The following CLSTN2 variants were observed in gnomAD, a reference collection of about 807,000 sequenced individuals.
CLSTN2 encodes calsyntenin 2.
In CLSTN2, 48 loss-of-function variants were observed where a neutral mutation model predicts 101.2. The observed-to-expected ratio is 0.47, with a 90% CI of 0.38 to 0.60. The LOEUF (loss-of-function observed/expected upper bound fraction) is 0.60, where lower values mean the gene tolerates loss of function less well. CLSTN2 is among the 20% of genes least tolerant of loss of function. The probability of loss-of-function intolerance (pLI) is 0.00; values close to 1 mark genes in which losing one functional copy is unlikely to be tolerated. For synonymous variants in CLSTN2, 481 were observed against 463.6 expected, an observed-to-expected ratio of 1.04 and a Z score of -0.48; for missense variants, 1,160 against 1,238.2, an observed-to-expected ratio of 0.94 and a Z score of 0.95.
intron 1 of CLSTN2, among the ~76,000 whole-genome samples, chr3:140,001,331 G>C (rs1460831221): frequency 4.6e-5 from 7 of 151,718 alleles, no homozygotes; most frequent in Admixed American, 2.6e-4. Context: ...GCTTTATCTA[G>C]TTTGCTATCA....
chr3:140,351,792 G>GTTTT (rs398062856), intron 2 of CLSTN2, among the ~76,000 whole-genome samples: 2 of 147,030 alleles, frequency 1.4e-5, no homozygotes. Context: ...GTTTTGTTTT[G>GTTTT]TTTTTTTTTT....
chr3:140,053,100 C>T (rs1426856271), intron 1 of CLSTN2, among the ~76,000 whole-genome samples: 2 of 152,158 alleles, frequency 1.3e-5, no homozygotes, highest in African/African-American at 2.4e-5. Context: ...CTGTCATTCT[C>T]GGGTGAGGGA....
At chr3:140,334,299 A>T (rs1219992985) in intron 2 of CLSTN2, among the ~76,000 whole-genome samples, 1 of 152,112 alleles carries the variant, frequency 6.6e-6, no homozygotes, top group Non-Finnish European at 1.5e-5. Context: ...AACAGTCACT[A>T]CTCCAGCCAC....
chr3:140,084,635 G>A (rs2008650988), intron 1 of CLSTN2, among the ~76,000 whole-genome samples: 1 of 152,158 alleles, frequency 6.6e-6, no homozygotes, highest in South Asian at 2.1e-4. Context: ...AACTACCTGA[G>A]GGTTCTCTAA....
chr3:140,227,557 T>C (rs1435465417), intron 2 of CLSTN2, among the ~76,000 whole-genome samples: 21 of 152,142 alleles, frequency 1.4e-4, no homozygotes, highest in Admixed American at 1.4e-3. Context: ...ATAGTGGCCG[T>C]CTTCTCACAG....
chr3:140,435,245 C>G (rs1016771268), intron 5 of CLSTN2, among the ~76,000 whole-genome samples: 1 of 152,054 alleles, frequency 6.6e-6, no homozygotes, highest in East Asian at 1.9e-4. Flanking sequence ...TAGTAACCAT[C>G]CTTCTACTCT....
At chr3:140,335,463 A>AT (rs1321654529) in intron 2 of CLSTN2, among the ~76,000 whole-genome samples, 7 of 151,734 alleles carry the variant, frequency 4.6e-5, no homozygotes, top group Non-Finnish European at 8.8e-5. Context: ...GGCCAAAAAA[A>AT]AAAAAGCCCC....
At chr3:140,039,329 T>TA (rs146878164) in intron 1 of CLSTN2, among the ~76,000 whole-genome samples, 22 of 151,956 alleles carry the variant, frequency 1.4e-4, no homozygotes, top group Admixed American at 3.3e-4. Context: ...CTTTTAATGG[T>TA]AAAAAAAACA....
At chr3:140,074,290 T>C (rs562806630) in intron 1 of CLSTN2, among the ~76,000 whole-genome samples, 128 of 152,046 alleles carry the variant, frequency 8.4e-4, no homozygotes, top group African/African-American at 2.9e-3. Flanking sequence ...TCACCTTGCC[T>C]CCCCCCACCC....
chr3:140,326,745 C>T (rs558647984), intron 2 of CLSTN2, among the ~76,000 whole-genome samples: 10 of 152,226 alleles, frequency 6.6e-5, no homozygotes, highest in South Asian at 2.1e-4. Context: ...AGCTTAGGGT[C>T]GGACTGTAAT....
chr3:140,543,196 G>A (rs752392082), intron 9 of CLSTN2, among the ~76,000 whole-genome samples: 1 of 152,178 alleles, frequency 6.6e-6, no homozygotes, highest in Non-Finnish European at 1.5e-5. Context: ...GTGAAGAGAT[G>A]ACCAACTGGA....
intron 2 of CLSTN2, among the ~76,000 whole-genome samples, chr3:140,189,503 G>A (rs1208580148): frequency 6.6e-6 from 1 of 152,098 alleles, no homozygotes; most frequent in Non-Finnish European, 1.5e-5. Flanking sequence ...GGCTGATGAT[G>A]TCAAATGTTT....
At chr3:140,188,496 C>T (rs1284001966) in intron 2 of CLSTN2, among the ~76,000 whole-genome samples, 1 of 152,136 alleles carries the variant, frequency 6.6e-6, no homozygotes, top group Non-Finnish European at 1.5e-5. Flanking sequence ...CCTCGTGGCC[C>T]TCTGGTTACT....
chr3:139,977,079 ACT>A (rs1332871661), intron 1 of CLSTN2, among the ~76,000 whole-genome samples: 2 of 151,618 alleles, frequency 1.3e-5, no homozygotes, highest in African/African-American at 2.4e-5. Context: ...AAAACCTCAA[ACT>A]CTCTATCCTG....
intron 10 of CLSTN2, among the ~76,000 whole-genome samples, chr3:140,551,689 C>T (rs1417370016): frequency 6.6e-6 from 1 of 151,966 alleles, no homozygotes; most frequent in Non-Finnish European, 1.5e-5. Flanking sequence ...GCTGGGTGAC[C>T]TTGGGCAAGA....
At chr3:140,190,461 A>T (rs78059546) in intron 2 of CLSTN2, among the ~76,000 whole-genome samples, 1 of 150,084 alleles carries the variant, frequency 6.7e-6, no homozygotes, top group Non-Finnish European at 1.5e-5. Flanking sequence ...AAAAAAAAAA[A>T]ATCCTGCAAG....
chr3:140,486,164 A>G (rs748723377), intron 8 of CLSTN2, among the ~76,000 whole-genome samples: 5 of 152,186 alleles, frequency 3.3e-5, no homozygotes, highest in African/African-American at 4.8e-5. Context: ...AATGTGTATG[A>G]CAAACAACAT....
intron 1 of CLSTN2, among the ~76,000 whole-genome samples, chr3:140,108,094 A>G (rs2107793255): frequency 1.3e-5 from 2 of 152,324 alleles, no homozygotes; most frequent in Middle Eastern, 3.4e-3. Flanking sequence ...TTCAGTGTGT[A>G]GAGAATATAG....
intron 2 of CLSTN2, among the ~76,000 whole-genome samples, 199 bp from the exon 3 acceptor site, chr3:140,403,430 G>A (rs1269134298): frequency 6.6e-6 from 1 of 152,218 alleles, no homozygotes; most frequent in African/African-American, 2.4e-5. Flanking sequence ...TCCAGTTCAG[G>A]AGGTCTGGGT....
Sources: allele counts gnomAD v4.1 joint callset (sites outside exome capture counted in the v4.1 genomes callset), GRCh38; gene constraint gnomAD v4.1.1; transcripts MANE v1.5; gene names NCBI Gene and HGNC (gene_info 2026-07-23, HGNC 2026-07-21).